FAAH2: variants seen among roughly 807,000 people sequenced by gnomAD.
FAAH2 encodes the protein fatty acid amide hydrolase 2.
Under a neutral mutation model 36.9 loss-of-function variants are expected in FAAH2, and 60 were observed. The observed-to-expected ratio is 1.63, with a 90% confidence interval of 1.32 to 2.02. FAAH2 has a LOEUF of 2.02. FAAH2 is among the 30% of genes most tolerant of loss of function. The pLI, the probability that FAAH2 is intolerant of heterozygous loss-of-function variation, is 0.00. For missense variants in FAAH2, 689 were observed against 397.5 expected, an observed-to-expected ratio of 1.73 and a Z score of -6.23; for synonymous variants, 214 against 143.8, an observed-to-expected ratio of 1.49 and a Z score of -3.49.
chrX:57,409,708 C>T (rs775370145), intron 7 of FAAH2, among the ~76,000 whole-genome samples: 1 of 110,569 alleles, frequency 9.0e-6, no homozygotes. Flanking sequence ...TTATATTAGT[C>T]TCTTACAATT....
intron 10 of FAAH2, among the ~76,000 whole-genome samples, chrX:57,475,328 T>G (rs1171797449): frequency 8.9e-6 from 1 of 112,163 alleles, no homozygotes; most frequent in East Asian, 2.8e-4. Context: ...TGGTTTTGGG[T>G]TTTACATTTA....
the FAAH2 span, among the ~76,000 whole-genome samples, chrX:57,233,853 C>A: frequency 8.9e-6 from 1 of 112,348 alleles, no homozygotes; most frequent in African/African-American, 3.2e-5. Context: ...CCATGTTGGC[C>A]AGGCTGGTCT....
the FAAH2 span, among the ~76,000 whole-genome samples, chrX:57,208,023 G>A: frequency 8.9e-6 from 1 of 112,571 alleles, no homozygotes; most frequent in Non-Finnish European, 1.9e-5. Flanking sequence ...GTTGATCTGG[G>A]GGGTGTATTC....
chrX:57,336,354 C>G, intron 4 of FAAH2, among the ~76,000 whole-genome samples: 1 of 111,063 alleles, frequency 9.0e-6, no homozygotes, highest in Middle Eastern at 4.6e-3. Context: ...TTCATTGACT[C>G]TCTTTTCAGA....
chrX:57,466,038 T>C (rs2057040786), intron 10 of FAAH2, among the ~76,000 whole-genome samples: 1 of 107,755 alleles, frequency 9.3e-6, no homozygotes, highest in Non-Finnish European at 1.9e-5. Flanking sequence ...ACTTTCCTCT[T>C]TTTTCTTGTC....
intron 7 of FAAH2, among the ~76,000 whole-genome samples, chrX:57,404,605 T>A (rs778550232): frequency 2.7e-5 from 3 of 111,779 alleles, no homozygotes; most frequent in South Asian, 7.5e-4. Flanking sequence ...CTCCCTGGGT[T>A]CATAGCCTAG....
intron 7 of FAAH2, chrX:57,381,633 T>G (rs2054853055): frequency 2.9e-6 from 1 of 339,135 alleles, no homozygotes; most frequent in Non-Finnish European, 3.8e-6. Context: ...CTAACTACCC[T>G]AAATATATAT....
At chrX:57,255,267 C>A in the FAAH2 span, among the ~76,000 whole-genome samples, 10 of 111,388 alleles carry the variant, frequency 9.0e-5, no homozygotes, top group African/African-American at 3.3e-4. Context: ...CAGGTTCTGG[C>A]ATTGAGGCAA....
At chrX:57,368,229 C>A (rs887546339) in intron 5 of FAAH2, among the ~76,000 whole-genome samples, 1 of 106,344 alleles carries the variant, frequency 9.4e-6, no homozygotes, top group Admixed American at 1.0e-4. Context: ...ACTGAACCCA[C>A]CCCCACCCCC....
Position 57,392,568 on chromosome X carries a change from C to T in FAAH2, c.996+11539C>T, listed in dbSNP as rs187427402. 2.7e-5 allele frequency: 22 copies of T among 818,763 alleles called. No homozygotes were observed. The East Asian group carries it at 7.1e-4, about 26-fold the overall frequency. The allele number at this position is 818,763 out of a possible 1,213,427, so 67.5% of individuals were successfully genotyped here. A position where few individuals can be genotyped will look rare whatever the true frequency, so the allele number is the denominator to read the frequency against. On this transcript the variant is annotated intron_variant, in intron 7 of 10. Transcript: ENST00000374900. ...GCTGACTCTTGGCTGCCTTATACTT[C>T]CTAACTCCCAGTGGGCCTGAATAGA...
At chrX:57,263,717 ATCTG>A in the FAAH2 span, among the ~76,000 whole-genome samples, 1 of 112,000 alleles carries the variant, frequency 8.9e-6, no homozygotes, top group Non-Finnish European at 1.9e-5. Context: ...ATACAATTGT[ATCTG>A]TCTATTATAC....
At chrX:57,401,838 A>T (rs761400256) in intron 7 of FAAH2, among the ~76,000 whole-genome samples, 1 of 111,342 alleles carries the variant, frequency 9.0e-6, no homozygotes, top group African/African-American at 3.3e-5. Flanking sequence ...GTTCAGGTGT[A>T]TAGTGGCCCC....
the FAAH2 span, among the ~76,000 whole-genome samples, chrX:57,217,764 G>A: frequency 6.3e-5 from 7 of 111,561 alleles, no homozygotes; most frequent in African/African-American, 2.3e-4. Context: ...GTCTATATGG[G>A]CTCTTTTTTG....
At chrX:57,470,709 T>G (rs1390100860) in intron 10 of FAAH2, among the ~76,000 whole-genome samples, 2 of 111,235 alleles carry the variant, frequency 1.8e-5, no homozygotes, top group African/African-American at 3.3e-5. Context: ...ACTATTCCAA[T>G]CGATAGAAAA....
chrX:57,203,535 C>T, the FAAH2 span, among the ~76,000 whole-genome samples: 9 of 112,032 alleles, frequency 8.0e-5, no homozygotes, highest in Non-Finnish European at 1.5e-4. Flanking sequence ...ATATGTCCCC[C>T]TTTGTTTTGC....
chrX:57,392,713 A>C, intron 7 of FAAH2: 1 of 613,914 alleles, frequency 1.6e-6, no homozygotes, highest in South Asian at 2.2e-5. Flanking sequence ...CTGGGTGGGG[A>C]GTCCATTGTG....
chrX:57,468,972 C>G (rs1249053004), intron 10 of FAAH2, among the ~76,000 whole-genome samples: 3 of 111,622 alleles, frequency 2.7e-5, no homozygotes, highest in African/African-American at 9.8e-5. Context: ...GAATTTTCAA[C>G]CCAGAATTTC....
chrX:57,436,357 T>TAA (rs768259739), intron 8 of FAAH2, among the ~76,000 whole-genome samples: 5 of 103,037 alleles, frequency 4.9e-5, no homozygotes, highest in African/African-American at 1.4e-4. Context: ...GAAAATGAGT[T>TAA]AAAAAAAAAA....
At chrX:57,371,461 C>T (rs2054548792) in intron 5 of FAAH2, among the ~76,000 whole-genome samples, 1 of 111,819 alleles carries the variant, frequency 8.9e-6, no homozygotes, top group Non-Finnish European at 1.9e-5. Flanking sequence ...TGTGATACCA[C>T]ATTTTCTTTA....
Sources: gnomAD v4.1 joint callset for allele counts (sites outside exome capture counted in the v4.1 genomes callset) on GRCh38, gnomAD v4.1.1 for gene constraint, MANE v1.5 for transcripts, NCBI Gene and HGNC (gene_info 2026-07-23, HGNC 2026-07-21) for gene names.